The following ADAMTSL1 variants were observed in gnomAD, a reference collection of about 807,000 sequenced individuals.
ADAMTSL1 encodes ADAMTS-like protein 1.
Under a neutral mutation model 201.8 loss-of-function variants are expected in ADAMTSL1, and 126 were observed. The ratio of observed to expected loss-of-function variants is 0.62; its 90% CI spans 0.54 to 0.72. The LOEUF (loss-of-function observed/expected upper bound fraction) is 0.72. Ranked by LOEUF, ADAMTSL1 falls within the 30% of genes least tolerant of loss-of-function variation. The pLI is 0.00. For synonymous variants in ADAMTSL1, 1,121 were observed against 903.4 expected (o/e 1.24, Z -4.32); for missense variants, 2,679 against 2,277.8 (o/e 1.18, Z -3.59).
chr9:18,450,046 A>G (rs1461936876), intron 2 of ADAMTSL1, among the ~76,000 whole-genome samples: 2 of 152,196 alleles, frequency 1.3e-5, no homozygotes, highest in Admixed American at 6.5e-5. Context: ...GAATGAAAAG[A>G]TTTCTCCATG....
At chr9:18,775,975 C>G (rs1324535590) in intron 18 of ADAMTSL1, 79 bp downstream of exon 18, 1 of 1,519,060 alleles carries the variant, frequency 6.6e-7, no homozygotes, top group Non-Finnish European at 8.9e-7. Context: ...GTGGCCTTCC[C>G]TAAACTCAAG....
intron 2 of ADAMTSL1, among the ~76,000 whole-genome samples, chr9:18,241,922 T>A (rs1450002122): frequency 6.6e-6 from 1 of 152,086 alleles, no homozygotes; most frequent in Non-Finnish European, 1.5e-5. Flanking sequence ...CATAGTTGAA[T>A]TTTACCAAAT....
At position 17,911,973 on chromosome 9, in the gene ADAMTSL1, A is replaced by G. The variant is rs1187075361; in HGVS notation, c.87+5051A>G. The stretch of plus-strand genomic sequence containing the variant: ...TTCTTGCAATAGTTTACTGAGAATG[A>G]TGATTTCCAATCTCATCCATGTCCC... On this transcript the variant is annotated intron_variant, in intron 1 of 29. Coordinates refer to the ADAMTSL1 transcript ENST00000680146. Among the ~76,000 whole-genome samples the G allele has an allele frequency of 3.6e-5, 2 of 55,748 alleles. 1 individual carries two copies. The highest frequency in any genetic ancestry group is 1.2e-4 in the Non-Finnish European group (2 of 16,988). The allele number at this position is 55,748 out of a possible 152,430, so 36.6% of individuals were successfully genotyped here.
chr9:18,098,376 A>C (rs1021790269), intron 1 of ADAMTSL1, among the ~76,000 whole-genome samples: 15 of 152,172 alleles, frequency 9.9e-5, no homozygotes, highest in Non-Finnish European at 2.1e-4. Context: ...TAATTCGTGG[A>C]CATGATATAT....
intron 1 of ADAMTSL1, among the ~76,000 whole-genome samples, chr9:18,079,490 G>A (rs1439485075): frequency 3.3e-5 from 5 of 151,898 alleles, no homozygotes; most frequent in African/African-American, 9.7e-5. Context: ...AGACCATCCT[G>A]GCTAACACGG....
At chr9:17,937,459 A>C (rs776268656) in intron 1 of ADAMTSL1, among the ~76,000 whole-genome samples, 1 of 152,118 alleles carries the variant, frequency 6.6e-6, no homozygotes. Context: ...CCTGAAGGGC[A>C]ACTAGATTTG....
chr9:18,113,867 C>T lies in ADAMTSL1; in HGVS notation c.88-49995C>T, dbSNP rs1280657927. 3.9e-5 allele frequency among the ~76,000 whole-genome samples: 6 copies of T among 152,072 alleles called. No individual in the cohort carries two copies. In the East Asian group the frequency reaches 1.2e-3, roughly 29 times the overall value. On this transcript the variant is annotated intron_variant, in intron 1 of 29. Coordinates refer to the ADAMTSL1 transcript ENST00000680146. ...CTATGAGATAAATGCTGTTTTTCCA[C>T]TTTGTAGATGAGGAAACTGAGGCAC...
chr9:18,233,090 T>A (rs1830705346), intron 2 of ADAMTSL1, among the ~76,000 whole-genome samples: 1 of 152,170 alleles, frequency 6.6e-6, no homozygotes, highest in Non-Finnish European at 1.5e-5. Flanking sequence ...ATGCTGAAGC[T>A]AAAACAATAA....
chr9:18,883,791 C>T (rs185838470), intron 23 of ADAMTSL1, among the ~76,000 whole-genome samples: 2 of 152,258 alleles, frequency 1.3e-5, no homozygotes, highest in South Asian at 2.1e-4. Flanking sequence ...TACATATATA[C>T]CACATTTTGT....
chr9:18,315,915 C>T (rs947952369), intron 2 of ADAMTSL1, among the ~76,000 whole-genome samples: 2 of 152,114 alleles, frequency 1.3e-5, no homozygotes, highest in Non-Finnish European at 2.9e-5. Context: ...TTCTCAGTAT[C>T]AGGGAACCTG....
chr9:17,908,526 G>C (rs759600632), intron 1 of ADAMTSL1, among the ~76,000 whole-genome samples: 8 of 151,736 alleles, frequency 5.3e-5, no homozygotes, highest in African/African-American at 1.7e-4. Flanking sequence ...GTGTGACCTC[G>C]GCTCACTGCA....
intron 2 of ADAMTSL1, among the ~76,000 whole-genome samples, chr9:18,425,942 A>G (rs1819199116): frequency 1.3e-5 from 2 of 151,990 alleles, no homozygotes; most frequent in Admixed American, 6.6e-5. Flanking sequence ...GGGTGAAAAG[A>G]TGTTATTATT....
At chr9:18,525,168 G>C (rs1048545189) in intron 2 of ADAMTSL1, among the ~76,000 whole-genome samples, 1 of 152,138 alleles carries the variant, frequency 6.6e-6, no homozygotes, top group African/African-American at 2.4e-5. Context: ...GTTTAGTCTT[G>C]GGAGGGTGTA....
chr9:18,187,573 A>T (rs1828794394), intron 2 of ADAMTSL1, among the ~76,000 whole-genome samples: 1 of 152,198 alleles, frequency 6.6e-6, no homozygotes, highest in African/African-American at 2.4e-5. Flanking sequence ...TTATATGATC[A>T]TAGAGAAACA....
At chr9:18,651,837 A>G (rs1828283748) in intron 7 of ADAMTSL1, among the ~76,000 whole-genome samples, 1 of 152,142 alleles carries the variant, frequency 6.6e-6, no homozygotes, top group Non-Finnish European at 1.5e-5. Context: ...TTTTATTATA[A>G]GAGGTAACAA....
At chr9:18,151,011 G>C (rs1826884226) in intron 1 of ADAMTSL1, among the ~76,000 whole-genome samples, 1 of 151,964 alleles carries the variant, frequency 6.6e-6, no homozygotes, top group Non-Finnish European at 1.5e-5. Flanking sequence ...AGCTAACCGG[G>C]AAGTGCAGTG....
chr9:18,345,850 AGAAGACCAT>A (rs1474591006), intron 2 of ADAMTSL1, among the ~76,000 whole-genome samples: 1 of 152,102 alleles, frequency 6.6e-6, no homozygotes, highest in Non-Finnish European at 1.5e-5. Context: ...CTTAGCATCC[AGAAGACCAT>A]GTGACAGGTG....
At chr9:18,699,735 G>C (rs949393724) in intron 13 of ADAMTSL1, among the ~76,000 whole-genome samples, 2 of 152,134 alleles carry the variant, frequency 1.3e-5, no homozygotes, top group Non-Finnish European at 2.9e-5. Context: ...TGTATTGGTG[G>C]CTGCTTCAAA....
chr9:18,655,901 T>G (rs1433567564), intron 7 of ADAMTSL1, among the ~76,000 whole-genome samples: 1 of 149,928 alleles, frequency 6.7e-6, no homozygotes, highest in Non-Finnish European at 1.5e-5. Context: ...CCCTTGTATC[T>G]GACACATAAA....
Sources: gnomAD v4.1 joint callset for allele counts (sites outside exome capture counted in the v4.1 genomes callset) on GRCh38, gnomAD v4.1.1 for gene constraint, MANE v1.5 for transcripts, NCBI Gene and HGNC (gene_info 2026-07-23, HGNC 2026-07-21) for gene names.